ATXN1: variants seen among roughly 807,000 people sequenced by gnomAD.
The protein encoded by ATXN1 is ataxin 1, also known as ataxin-1.
In ATXN1, 8 loss-of-function variants were observed where a neutral mutation model predicts 56.4. The observed-to-expected ratio is 0.14, with a 90% CI of 0.08 to 0.26. The LOEUF is 0.26. Ranked by LOEUF, ATXN1 falls within the 10% of genes least tolerant of loss-of-function variation. The pLI is 1.00. For missense variants in ATXN1, 987 were observed against 1,106.5 expected (o/e 0.89, Z 1.53); for synonymous variants, 514 against 494.6 (o/e 1.04, Z -0.52).
At chr6:16,492,414 T>TA (rs1169564426) in intron 5 of ATXN1, among the ~76,000 whole-genome samples, 2 of 151,420 alleles carry the variant, frequency 1.3e-5, no homozygotes, top group Non-Finnish European at 2.9e-5. Flanking sequence ...CCCTAAAACC[T>TA]AAAGTATAAT....
intron 4 of ATXN1, among the ~76,000 whole-genome samples, chr6:16,554,496 G>C (rs1761976390): frequency 6.6e-6 from 1 of 152,202 alleles, no homozygotes. Flanking sequence ...TTGTCGCCCA[G>C]GCTGGAGTGC....
chr6:16,735,715 C>T (rs953133993), intron 2 of ATXN1, among the ~76,000 whole-genome samples: 2 of 152,052 alleles, frequency 1.3e-5, no homozygotes, highest in African/African-American at 2.4e-5. Flanking sequence ...CTTACATTGA[C>T]AAAGAATAAT....
rs186333733 is a variant in ATXN1 at position 16,391,263 on chromosome 6, A to T, written c.-160-62793T>A. Among the ~76,000 whole-genome samples the T allele has an allele frequency of 1.3e-3, 195 of 151,348 alleles. 1 individual carries two copies. Among genetic ancestry groups the T allele is most frequent in the East Asian group, 7.7e-3 (40 of 5,166 alleles). On this transcript the variant is annotated intron_variant, in intron 6 of 7. Transcript: ENST00000436367. ...ATTTATAGATTACTATTTTTTTTTA[A>T]AAAAAAGAAGCTCTTCTTTGAATTA...
chr6:16,715,128 G>A (rs990777430), intron 2 of ATXN1, among the ~76,000 whole-genome samples: 15 of 151,876 alleles, frequency 9.9e-5, no homozygotes, highest in African/African-American at 3.1e-4. Flanking sequence ...TGAACTCATC[G>A]TCCACACTGG....
chr6:16,666,601 G>T (rs562829872), intron 2 of ATXN1: 1 of 152,474 alleles, frequency 6.6e-6, no homozygotes, highest in East Asian at 1.9e-4. Context: ...TGACTCCCTG[G>T]TTCCAGTGAT....
intron 6 of ATXN1, among the ~76,000 whole-genome samples, chr6:16,353,388 C>A (rs1761612770): frequency 6.6e-6 from 1 of 152,094 alleles, no homozygotes; most frequent in South Asian, 2.1e-4. Context: ...CAAGCAATTA[C>A]AGGAGGCCCG....
chr6:16,727,755 A>T (rs1759882233), intron 2 of ATXN1, among the ~76,000 whole-genome samples: 1 of 152,190 alleles, frequency 6.6e-6, no homozygotes. Flanking sequence ...TACTAATATA[A>T]ATATTAATTC....
At chr6:16,342,561 C>T (rs1021244769) in intron 6 of ATXN1, among the ~76,000 whole-genome samples, 2 of 152,150 alleles carry the variant, frequency 1.3e-5, no homozygotes, top group Non-Finnish European at 2.9e-5. Flanking sequence ...CTCAGATATT[C>T]CACACCCGTG....
chr6:16,415,594 G>A (rs1051608993), intron 6 of ATXN1, among the ~76,000 whole-genome samples: 4 of 152,168 alleles, frequency 2.6e-5, no homozygotes, highest in Admixed American at 6.5e-5. Flanking sequence ...ATAGGGCTTC[G>A]CATAAAACCA....
intron 4 of ATXN1, among the ~76,000 whole-genome samples, chr6:16,573,715 C>A (rs547603410): frequency 6.6e-6 from 1 of 152,312 alleles, no homozygotes; most frequent in South Asian, 2.1e-4. Context: ...GCACATATAA[C>A]TCCGCTGGCC....
chr6:16,328,474 G>C lies in ATXN1; in HGVS notation c.-160-4C>G. The C allele has an allele frequency of 8.1e-7, 1 of 1,234,472 alleles. No homozygotes were observed. The highest frequency in any genetic ancestry group is 1.0e-6 in the Non-Finnish European group (1 of 964,184). 76.5% of individuals were successfully genotyped at this position (1,234,472 alleles called of 1,614,324 possible). A position where few individuals can be genotyped will look rare whatever the true frequency, so the allele number is the denominator to read the frequency against. Reference sequence around the variant, plus strand: ...CCGCCAACAGCAGCTCTGGATGCTGGGAAAGGGAAGAGGGCAGTGACAAAG... The same window carrying C: ...CCGCCAACAGCAGCTCTGGATGCTGCGAAAGGGAAGAGGGCAGTGACAAAG... On this transcript the variant is annotated splice_polypyrimidine_tract_variant and splice_region_variant and intron_variant, in intron 6 of 7. Transcript: ENST00000436367. The surrounding 1 kb of genome is among the most constrained non-coding windows in gnomAD (Gnocchi z 6.2).
At chr6:16,429,504 G>A (rs533285730) in intron 6 of ATXN1, among the ~76,000 whole-genome samples, 5 of 134,566 alleles carry the variant, frequency 3.7e-5, no homozygotes, top group African/African-American at 5.6e-5. Flanking sequence ...TGCAACCTCC[G>A]CCTCCCAGGT....
intron 6 of ATXN1, among the ~76,000 whole-genome samples, chr6:16,354,294 GTC>G (rs1761638938): frequency 6.6e-6 from 1 of 151,556 alleles, no homozygotes; most frequent in African/African-American, 2.4e-5. Context: ...GTCTCGCTCT[GTC>G]GCCCAGGCTG....
intron 6 of ATXN1, among the ~76,000 whole-genome samples, chr6:16,340,426 T>A (rs1761219950): frequency 6.6e-6 from 1 of 152,212 alleles, no homozygotes; most frequent in African/African-American, 2.4e-5. Flanking sequence ...GAGGAGGTAA[T>A]GCTGTTCATC....
intron 2 of ATXN1, among the ~76,000 whole-genome samples, chr6:16,669,884 C>T (rs1758505500): frequency 6.6e-6 from 1 of 152,026 alleles, no homozygotes; most frequent in Non-Finnish European, 1.5e-5. Context: ...CTCTTGTTGC[C>T]TACCTCCACA....
intron 2 of ATXN1, among the ~76,000 whole-genome samples, chr6:16,740,576 A>G (rs918342738): frequency 6.6e-6 from 1 of 152,236 alleles, no homozygotes; most frequent in African/African-American, 2.4e-5. Context: ...GCATTAAAGG[A>G]AATACACCTC....
chr6:16,592,459 C>T (rs1297356235), intron 3 of ATXN1, among the ~76,000 whole-genome samples: 1 of 152,052 alleles, frequency 6.6e-6, no homozygotes, highest in Non-Finnish European at 1.5e-5. Context: ...AAGGTGGGCA[C>T]CAAAAGAACA....
intron 2 of ATXN1, among the ~76,000 whole-genome samples, chr6:16,670,400 C>T (rs778961601): frequency 2.3e-4 from 35 of 152,172 alleles, no homozygotes; most frequent in Non-Finnish European, 4.0e-4. Flanking sequence ...CTGCAGTATA[C>T]TCTCCAAACT....
chr6:16,411,079 C>T (rs1178018685), intron 6 of ATXN1, among the ~76,000 whole-genome samples: 14 of 140,616 alleles, frequency 1.0e-4, no homozygotes, highest in Non-Finnish European at 1.8e-4. Flanking sequence ...GAGCTGAGAT[C>T]ACACCACGGC....
Sources: gnomAD v4.1 joint callset for allele counts (sites outside exome capture counted in the v4.1 genomes callset) on GRCh38, gnomAD v4.1.1 for gene constraint, Gnocchi (gnomAD v3.1) non-coding constraint, MANE v1.5 for transcripts, NCBI Gene and HGNC (gene_info 2026-07-23, HGNC 2026-07-21) for gene names.